The following LACTB variants were observed in gnomAD, a reference collection of about 807,000 sequenced individuals.
LACTB encodes the protein serine beta-lactamase-like protein LACTB, mitochondrial.
A neutral mutation model predicts 50.2 loss-of-function variants in LACTB; 35 were observed. The observed-to-expected ratio is 0.70, with a 90% CI of 0.53 to 0.92. The LOEUF is 0.92. LACTB is among the 40% of genes least tolerant of loss of function. LACTB has a pLI of 0.00. For synonymous variants in LACTB, 252 were observed against 268.2 expected, an observed-to-expected ratio of 0.94 and a Z score of 0.59; for missense variants, 664 against 691.8, an observed-to-expected ratio of 0.96 and a Z score of 0.45.
intron 5 of LACTB, among the ~76,000 whole-genome samples, chr15:63,133,090 T>A (rs1281739796): frequency 6.6e-6 from 1 of 152,216 alleles, no homozygotes; most frequent in African/African-American, 2.4e-5. Context: ...AAGCAGACTT[T>A]AATATTTTAT....
intron 2 of LACTB, among the ~76,000 whole-genome samples, chr15:63,124,004 A>C (rs574316098): frequency 1.5e-4 from 23 of 149,368 alleles, no homozygotes; most frequent in South Asian, 6.5e-4. Context: ...AGAAAAGGAG[A>C]CTCCCTTTCT....
At chr15:63,125,223 A>G (rs1415472522) in intron 2 of LACTB, among the ~76,000 whole-genome samples, 1 of 150,084 alleles carries the variant, frequency 6.7e-6, no homozygotes, top group African/African-American at 2.4e-5. Flanking sequence ...GCTGGAGTGC[A>G]ATAGTGCGAT....
chr15:63,140,882 C>G (rs2037221610), intron 5 of LACTB: 1 of 383,196 alleles, frequency 2.6e-6, no homozygotes, highest in African/African-American at 2.2e-5. Flanking sequence ...TTATAAAATT[C>G]ATTTGTGGCA....
At chr15:63,137,372 A>T (rs1392975103) in intron 5 of LACTB, among the ~76,000 whole-genome samples, 1 of 152,246 alleles carries the variant, frequency 6.6e-6, no homozygotes, top group African/African-American at 2.4e-5. Flanking sequence ...TGTGTTTGGC[A>T]CAATGTTTGC....
chr15:63,128,329 G>A (rs1173849964), intron 4 of LACTB, among the ~76,000 whole-genome samples: 1 of 152,186 alleles, frequency 6.6e-6, no homozygotes, highest in Admixed American at 6.5e-5. Context: ...GGCACAGTTG[G>A]CTCACGCCTA....
chr15:63,136,042 CT>C (rs55680025), intron 5 of LACTB, among the ~76,000 whole-genome samples: 85,488 of 132,424 alleles, frequency 0.65, 27,728 homozygotes, highest in East Asian at 0.98. Flanking sequence ...ATTTTCTTTT[CT>C]TTTTTTTTTT....
At chr15:63,131,523 C>G (rs2037133121) in intron 5 of LACTB, 1 of 152,102 alleles carries the variant, frequency 6.6e-6, no homozygotes, top group Admixed American at 6.6e-5. Flanking sequence ...ATTTATTAAG[C>G]AAATACTACA....
chr15:63,126,859 G>T lies in LACTB; in HGVS notation c.425G>T (p.Gly142Val). 1.9e-6 allele frequency: 3 copies of T among 1,547,290 alleles called. No individual in the cohort carries two copies. The highest frequency in any genetic ancestry group is 2.6e-6 in the Non-Finnish European group (3 of 1,140,560). Residue 142 changes from glycine (G) to valine (V), a missense_variant and splice_region_variant, in exon 3 of 6, where the codon GGT (glycine) becomes GTT (valine). Coordinates refer to ENST00000261893, the MANE Select transcript of LACTB (RefSeq NM_032857.5). The part of the protein sequence containing the change: ...SVDGKEVWSE[G>V]LGYADVENRV... ...GACTTTTTGCTTTTTTCCCCCAAAG[G>T]TTTAGGTTATGCTGATGTTGAGAAC...
At chr15:63,131,283 C>T (rs2037129836) in intron 5 of LACTB, 1 of 152,170 alleles carries the variant, frequency 6.6e-6, no homozygotes, top group African/African-American at 2.4e-5. Flanking sequence ...CAAAGTGAGA[C>T]TCCATCTCAG....
chr15:63,122,614 G>C (rs2652790), intron 1 of LACTB, 22 bp from the exon 2 acceptor site: 1 of 1,600,694 alleles, frequency 6.2e-7, no homozygotes, highest in Non-Finnish European at 8.6e-7. Context: ...GTAACTGTCG[G>C]TTCTTTCCCC....
intron 1 of LACTB, 143 bp from the exon 2 acceptor site, chr15:63,122,493 A>T (rs1250209996): frequency 3.9e-6 from 3 of 776,622 alleles, no homozygotes; most frequent in Non-Finnish European, 4.5e-6. Flanking sequence ...GTGAGTGACC[A>T]TGGCCTGGGA....
Position 63,141,305 on chromosome 15 carries a change from C to T in LACTB, c.1144C>T (p.Arg382Cys), listed in dbSNP as rs1216816022. The T allele has an allele frequency of 3.8e-6, 6 of 1,592,502 alleles. No homozygotes were observed. Among genetic ancestry groups the T allele is most frequent in the Non-Finnish European group, 5.1e-6 (6 of 1,169,054 alleles). ...ARFYVYNKKK[R>C]LVNTPYVDNS... The stretch of plus-strand genomic sequence containing the variant: ...ATTTTATGTTTACAATAAAAAGAAA[C>T]GTCTTGTCAACACACCTTACGTGGA... The change falls in exon 6 of 6, where the codon CGT (arginine) becomes TGT (cysteine). Residue 382 changes from arginine to cysteine, a missense_variant. Coordinates refer to ENST00000261893, the MANE Select transcript of LACTB (RefSeq NM_032857.5).
At chr15:63,137,256 A>G (rs1017079096) in intron 5 of LACTB, among the ~76,000 whole-genome samples, 1 of 152,218 alleles carries the variant, frequency 6.6e-6, no homozygotes, top group African/African-American at 2.4e-5. Context: ...GAACATCACA[A>G]AGGAGCTCAG....
chr15:63,125,846 T>TTTTCTTTC (rs1490120033), intron 2 of LACTB: 2 of 114,468 alleles, frequency 1.7e-5, no homozygotes, highest in Non-Finnish European at 3.7e-5. Flanking sequence ...CGCCAGGCTT[T>TTTTCTTTC]TTTCTTTCTT....
At chr15:63,138,886 T>G (rs1294496086) in intron 5 of LACTB, among the ~76,000 whole-genome samples, 4 of 138,268 alleles carry the variant, frequency 2.9e-5, no homozygotes, top group African/African-American at 1.0e-4. Context: ...CTAAAAATAC[T>G]ATATATATAT....
At chr15:63,134,358 A>C (rs2037157243) in intron 5 of LACTB, among the ~76,000 whole-genome samples, 1 of 152,154 alleles carries the variant, frequency 6.6e-6, no homozygotes, top group African/African-American at 2.4e-5. Context: ...GGAAAATAAA[A>C]GTTTAATTCC....
At chr15:63,124,585 T>G (rs1454165785) in intron 2 of LACTB, among the ~76,000 whole-genome samples, 2 of 152,182 alleles carry the variant, frequency 1.3e-5, no homozygotes, top group East Asian at 3.8e-4. Context: ...AGGCATTATT[T>G]TTCATAACTT....
At chr15:63,136,876 T>G (rs533128001) in intron 5 of LACTB, among the ~76,000 whole-genome samples, 51 of 152,332 alleles carry the variant, frequency 3.3e-4, no homozygotes, top group African/African-American at 1.2e-3. Context: ...ATATCCTGAC[T>G]AAGGCTTTTT....
At chr15:63,127,136 T>G in intron 3 of LACTB, 87 bp downstream of exon 3, 1 of 1,125,460 alleles carries the variant, frequency 8.9e-7, no homozygotes, top group South Asian at 1.7e-5. Flanking sequence ...TAGGATTCTT[T>G]GGCTTGTTTT....
Sources: allele counts gnomAD v4.1 joint callset (sites outside exome capture counted in the v4.1 genomes callset), GRCh38; gene constraint gnomAD v4.1.1; transcripts MANE v1.5; gene names NCBI Gene and HGNC (gene_info 2026-07-23, HGNC 2026-07-21).